Variants in SRGAP3 observed in about 807,000 individuals in gnomAD.
SRGAP3 encodes SLIT-ROBO Rho GTPase-activating protein 3.
A neutral mutation model predicts 121.1 loss-of-function variants in SRGAP3; 39 were observed. The ratio of observed to expected loss-of-function variants is 0.32; its 90% CI spans 0.25 to 0.42. SRGAP3 has a LOEUF of 0.42. SRGAP3 is among the 10% of genes least tolerant of loss of function. SRGAP3 has a pLI of 1.00. For synonymous variants in SRGAP3, 601 were observed against 570.0 expected, an observed-to-expected ratio of 1.05 and a Z score of -0.77; for missense variants, 1,213 against 1,470.6, an observed-to-expected ratio of 0.82 and a Z score of 2.86.
chr3:9,289,315 T>C (rs911230211), intron 3 of SRGAP3, among the ~76,000 whole-genome samples: 31 of 152,264 alleles, frequency 2.0e-4, no homozygotes, highest in Admixed American at 2.0e-3. Flanking sequence ...TCTCCATGGA[T>C]CTGATTCTGC....
At chr3:9,049,534 G>T (rs144086907) in intron 9 of SRGAP3, 4 of 455,382 alleles carry the variant, frequency 8.8e-6, no homozygotes, top group Admixed American at 2.4e-5. Flanking sequence ...GCAGATTACC[G>T]AGCATTTCTG....
intron 3 of SRGAP3, among the ~76,000 whole-genome samples, chr3:9,283,922 C>T (rs562673265): frequency 6.6e-6 from 1 of 152,150 alleles, no homozygotes; most frequent in Non-Finnish European, 1.5e-5. Flanking sequence ...GTCCCTCCAC[C>T]AGGCAGAATT....
chr3:9,036,154 T>C (rs1049457394), intron 11 of SRGAP3: 2 of 152,220 alleles, frequency 1.3e-5, no homozygotes, highest in Non-Finnish European at 2.9e-5. Context: ...GAGAAAAATA[T>C]AACATGCTGC....
chr3:9,309,099 C>A (rs1461364783), intron 3 of SRGAP3, among the ~76,000 whole-genome samples: 2 of 152,198 alleles, frequency 1.3e-5, no homozygotes, highest in Admixed American at 6.5e-5. Context: ...CCTCAGGATG[C>A]TCCTTTTGGG....
At chr3:9,253,715 T>C (rs977557674), upstream of SRGAP3, among the ~76,000 whole-genome samples, 22 of 152,338 alleles carry the variant, frequency 1.4e-4, no homozygotes, top group African/African-American at 2.4e-4. Flanking sequence ...AGCTAGTTGA[T>C]GGCAGATTTT....
intron 11 of SRGAP3, among the ~76,000 whole-genome samples, 178 bp from the exon 12 acceptor site, chr3:9,032,930 G>A (rs1338126323): frequency 6.6e-6 from 1 of 151,996 alleles, no homozygotes; most frequent in Non-Finnish European, 1.5e-5. Flanking sequence ...ATGTTTTAGG[G>A]GACCTTAATT....
chr3:9,335,668 C>A (rs967082954), intron 1 of SRGAP3, among the ~76,000 whole-genome samples: 2 of 152,160 alleles, frequency 1.3e-5, no homozygotes. Flanking sequence ...GAGCCCCACC[C>A]CAGACCTACT....
At chr3:9,264,878 A>G (rs1314750623) in intron 3 of SRGAP3, among the ~76,000 whole-genome samples, 1 of 152,168 alleles carries the variant, frequency 6.6e-6, no homozygotes, top group Non-Finnish European at 1.5e-5. Context: ...ACTACTTTAA[A>G]TTTCATATGA....
intron 1 of SRGAP3, among the ~76,000 whole-genome samples, chr3:9,127,587 A>C (rs1435850747): frequency 6.6e-6 from 1 of 152,174 alleles, no homozygotes. Flanking sequence ...AGCTGGGACG[A>C]CAGGTGCGCA....
intron 2 of SRGAP3, among the ~76,000 whole-genome samples, chr3:9,120,818 G>A (rs1948978571): frequency 6.6e-6 from 1 of 152,200 alleles, no homozygotes; most frequent in Non-Finnish European, 1.5e-5. Flanking sequence ...CTGTCCCAGG[G>A]AAACCTTCAG....
rs1052462250 is a variant in SRGAP3 at position 9,286,889 on chromosome 3, A to G, written n.442+39121T>C. On this transcript the variant is annotated intron_variant and non_coding_transcript_variant, in intron 3 of 3. Coordinates refer to the SRGAP3 transcript ENST00000490889. The stretch of plus-strand genomic sequence containing the variant: ...AGTGCTGGGATTACAGGCGTGAGCC[A>G]CCGCCCCTAGGCTATCTTGTGTTTT... Among the ~76,000 whole-genome samples, 55 of 141,892 alleles carry G rather than the reference A, an allele frequency of 3.9e-4. 1 individual carries two copies. In the Admixed American group the frequency reaches 4.0e-3, roughly 10 times the overall value. The allele number at this position is 141,892 out of a possible 152,430, so 93.1% of individuals were successfully genotyped here.
chr3:9,320,901 TTATA>T (rs769918525), intron 3 of SRGAP3, among the ~76,000 whole-genome samples: 1 of 151,578 alleles, frequency 6.6e-6, no homozygotes, highest in Non-Finnish European at 1.5e-5. Context: ...TATGTTCACA[TTATA>T]TATATATAGT....
intron 1 of SRGAP3, among the ~76,000 whole-genome samples, chr3:9,173,871 G>A (rs1951075623): frequency 6.6e-6 from 1 of 152,178 alleles, no homozygotes. Flanking sequence ...TACCCCCAGA[G>A]CATGGGAACC....
At chr3:9,089,583 A>T (rs1236402513) in intron 3 of SRGAP3, among the ~76,000 whole-genome samples, 2 of 152,166 alleles carry the variant, frequency 1.3e-5, no homozygotes, top group Non-Finnish European at 2.9e-5. Context: ...CTTTCTTATC[A>T]CCTGTGCAGA....
intron 1 of SRGAP3, among the ~76,000 whole-genome samples, chr3:9,247,839 C>T (rs531761947): frequency 6.6e-6 from 1 of 152,364 alleles, no homozygotes; most frequent in East Asian, 1.9e-4. Context: ...CGAGCCCAGG[C>T]TTCCCACAGG....
chr3:9,013,548 A>C lies in SRGAP3; in HGVS notation c.1920-13T>G, dbSNP rs186900303. 5 of 1,613,650 alleles carry C rather than the reference A, an allele frequency of 3.1e-6. No homozygotes were observed. Among genetic ancestry groups the C allele is most frequent in the Non-Finnish European group, 4.2e-6 (5 of 1,179,766 alleles). On this transcript the variant is annotated splice_polypyrimidine_tract_variant and intron_variant, in intron 16 of 21. Coordinates refer to ENST00000383836, the MANE Select transcript of SRGAP3 (RefSeq NM_014850.4). ...ATACTGGGAGAGGCTAGGAGAGAGG[A>C]GTTACCCACAAGTCATCTGGGAAAG...
rs57284755 is a variant in SRGAP3, at chr3:9,142,148, G to C, written c.68-17231C>G. 7.9e-3 allele frequency among the ~76,000 whole-genome samples: 1,198 copies of C among 152,268 alleles called. 18 individuals are homozygous for C. The highest frequency in any genetic ancestry group is 0.027 in the African/African-American group (1,137 of 41,556). ...CCTCATTCGTAAACTGGGATTAATG[G>C]AACCTACCTAAGAATTGTGGTAAAT... On this transcript the variant is annotated intron_variant, in intron 1 of 21. Coordinates refer to ENST00000383836, the MANE Select transcript of SRGAP3 (RefSeq NM_014850.4).
At chr3:9,212,893 C>G (rs1248193034) in intron 1 of SRGAP3, among the ~76,000 whole-genome samples, 1 of 152,208 alleles carries the variant, frequency 6.6e-6, no homozygotes, top group Non-Finnish European at 1.5e-5. Context: ...GACAGAGCCT[C>G]CCGGGAAACC....
intron 10 of SRGAP3, among the ~76,000 whole-genome samples, chr3:9,042,450 AAAGGCAGAATAG>A (rs1945065007): frequency 6.6e-6 from 1 of 151,976 alleles, no homozygotes; most frequent in Non-Finnish European, 1.5e-5. Flanking sequence ...AAAAAAAAAA[AAAGGCAGAATAG>A]GGCCAGGGAG....
Sources: allele counts gnomAD v4.1 joint callset (sites outside exome capture counted in the v4.1 genomes callset), GRCh38; gene constraint gnomAD v4.1.1; transcripts MANE v1.5; gene names NCBI Gene and HGNC (gene_info 2026-07-23, HGNC 2026-07-21).